Variants in SMYD4 observed in about 807,000 individuals in gnomAD.
The protein encoded by SMYD4 is SET and MYND domain containing 4, also known as protein-lysine N-methyltransferase SMYD4.
SMYD4 carries 68 observed loss-of-function variants against 72.8 expected under a neutral mutation model. The observed-to-expected ratio is 0.93, with a 90% CI of 0.77 to 1.14. The LOEUF is 1.14. SMYD4 is among the 50% of genes most tolerant of loss of function. The pLI is 0.00. For missense variants in SMYD4, 984 were observed against 1,003.7 expected (o/e 0.98, Z 0.27); for synonymous variants, 407 against 388.6 (o/e 1.05, Z -0.56).
Position 1,787,522 on chromosome 17 carries a change from G to A in SMYD4, c.1620C>T (p.His540=), listed in dbSNP as rs1004482387. 4 of 1,591,164 alleles carry A rather than the reference G, an allele frequency of 2.5e-6. No individual in the cohort carries two copies. The African/African-American group carries it at 5.4e-5, about 21-fold the overall frequency. The change falls in exon 6 of 11, where the codon CAC becomes CAT. Residue 540 remains histidine (H), a synonymous_variant. Transcript: ENST00000305513. The part of the protein sequence containing the change: ...GIFPVISLLN[H]SCSPNTSVSF... ...ACACGCTGGTGTTGGGGCTACAGGA[G>A]TGGTTCAGGAGGCTGATAACAGGGA...
At chr17:1,827,714 T>C (rs950751903) in intron 2 of SMYD4, 147 bp downstream of exon 2, 29 of 1,089,330 alleles carry the variant, frequency 2.7e-5, no homozygotes, top group Non-Finnish European at 3.3e-5. Context: ...GGTGGGAGGA[T>C]TGCTTGAGCC....
At chr17:1,783,679 G>A (rs1472759632) in intron 8 of SMYD4, 13 of 860,622 alleles carry the variant, frequency 1.5e-5, no homozygotes, top group Non-Finnish European at 2.1e-5. Flanking sequence ...AAAGGCGCTA[G>A]GGGAGGCCTC....
chr17:1,818,746 A>T (rs970149176), intron 2 of SMYD4, among the ~76,000 whole-genome samples: 1 of 151,612 alleles, frequency 6.6e-6, no homozygotes, highest in Non-Finnish European at 1.5e-5. Flanking sequence ...TGCAACCTCT[A>T]CCTCCTGCCT....
At chr17:1,791,585 T>C (rs531200709) in intron 5 of SMYD4, among the ~76,000 whole-genome samples, 2 of 152,204 alleles carry the variant, frequency 1.3e-5, no homozygotes, top group African/African-American at 4.8e-5. Flanking sequence ...GAAAATGAGA[T>C]GAAATTTAAC....
chr17:1,809,716 C>A (rs1449567715), intron 3 of SMYD4, among the ~76,000 whole-genome samples: 2 of 149,076 alleles, frequency 1.3e-5, no homozygotes, highest in African/African-American at 5.0e-5. Flanking sequence ...GTCGCCCAGG[C>A]TGGAGTGCAG....
At position 1,784,384 on chromosome 17, in the gene SMYD4, T is replaced by A. The variant is rs766779840; in HGVS notation, c.1962A>T (p.Leu654Phe). The A allele has an allele frequency of 6.2e-7, 1 of 1,614,268 alleles. No individual in the cohort carries two copies. Among genetic ancestry groups the A allele is most frequent in the Admixed American group, 1.7e-5 (1 of 60,032 alleles). ...CTCTGACCTGCTGCTGTAGGTCCTG[T>A]AACCGAGAGACCAGGTGGTCCCTGC... The part of the protein sequence containing the change: ...AVSRDHLVSR[L>F]QDLQQQVRVA... The change falls in exon 8 of 11, where the codon TTA becomes TTT. Residue 654 changes from leucine to phenylalanine, a missense_variant. Physicochemically the swap from Leu to Phe is conservative, Grantham distance 22. Coordinates refer to ENST00000305513, the MANE Select transcript of SMYD4 (RefSeq NM_052928.3).
chr17:1,782,595 G>C (rs1908422368), intron 10 of SMYD4: 1 of 154,866 alleles, frequency 6.5e-6, no homozygotes, highest in Non-Finnish European at 1.4e-5. Flanking sequence ...AGAAGGCAGA[G>C]AGCCTGGAGC....
intron 8 of SMYD4, chr17:1,783,755 G>T: frequency 2.0e-6 from 1 of 490,418 alleles, no homozygotes; most frequent in Non-Finnish European, 3.6e-6. Flanking sequence ...TTCACGTACG[G>T]CCATGATTTC....
chr17:1,790,718 T>C (rs1039155182), intron 5 of SMYD4, among the ~76,000 whole-genome samples: 1 of 151,998 alleles, frequency 6.6e-6, no homozygotes, highest in South Asian at 2.1e-4. Flanking sequence ...GGTTTCAGCA[T>C]GTTAGTCAGG....
intron 5 of SMYD4, among the ~76,000 whole-genome samples, chr17:1,789,698 G>GCA (rs1908909697): frequency 4.0e-5 from 6 of 148,316 alleles, no homozygotes; most frequent in East Asian, 2.0e-4. Context: ...CTGGGAGGTG[G>GCA]AGGTTGCAGT....
chr17:1,798,496 T>A (rs1014827636), intron 5 of SMYD4, among the ~76,000 whole-genome samples: 1 of 152,052 alleles, frequency 6.6e-6, no homozygotes, highest in Admixed American at 6.6e-5. Flanking sequence ...AGTGCAGTGG[T>A]TCACACCTGT....
At chr17:1,825,400 T>C (rs1211032918) in intron 2 of SMYD4, among the ~76,000 whole-genome samples, 1 of 151,922 alleles carries the variant, frequency 6.6e-6, no homozygotes, top group African/African-American at 2.4e-5. Context: ...GGTAAAAAAA[T>C]GTTAGCAGAA....
At chr17:1,790,551 C>T (rs1908963177) in intron 5 of SMYD4, among the ~76,000 whole-genome samples, 1 of 152,038 alleles carries the variant, frequency 6.6e-6, no homozygotes, top group Non-Finnish European at 1.5e-5. Context: ...TAGTCTCACT[C>T]TGTCGCCTAG....
rs751186115 is a variant in SMYD4, at chr17:1,800,805, T to C, written c.589A>G (p.Lys197Glu). 3.1e-6 allele frequency: 5 copies of C among 1,614,222 alleles called. No homozygotes were observed. In the South Asian group the frequency reaches 5.5e-5, roughly 18 times the overall value. ...LQRNLHRLKM[K>E]MQEKDSLTES... is the part of the protein sequence containing the mutation. ...GTGAGACTGTCCTTTTCTTGCATCT[T>C]CATTTTCAGACGATGGAGGTTTCTC... Residue 197 changes from lysine (K) to glutamate (E), a missense_variant, in exon 5 of 11, where the codon AAG becomes GAG. Transcript: ENST00000305513.
At chr17:1,812,886 T>C (rs1455146789) in intron 2 of SMYD4, among the ~76,000 whole-genome samples, 1 of 151,950 alleles carries the variant, frequency 6.6e-6, no homozygotes, top group African/African-American at 2.4e-5. Flanking sequence ...TAATTTTTTA[T>C]TCTTTATCTC....
At chr17:1,825,881 G>A (rs184395836) in intron 2 of SMYD4, among the ~76,000 whole-genome samples, 1 of 151,532 alleles carries the variant, frequency 6.6e-6, no homozygotes, top group East Asian at 1.9e-4. Context: ...CAGGAGGATC[G>A]CTTGAGCCCA....
At chr17:1,783,232 A>C in intron 9 of SMYD4, 74 bp from the exon 10 acceptor site, 1 of 1,612,552 alleles carries the variant, frequency 6.2e-7, no homozygotes, top group Non-Finnish European at 8.5e-7. Context: ...AGGGGGAGGA[A>C]ATGGAACGAG....
At chr17:1,792,545 G>C (rs990241960) in intron 5 of SMYD4, among the ~76,000 whole-genome samples, 1 of 152,226 alleles carries the variant, frequency 6.6e-6, no homozygotes, top group African/African-American at 2.4e-5. Context: ...GGTGCCTGAG[G>C]AGGGAGGATC....
At chr17:1,803,205 C>T (rs1909864331) in intron 4 of SMYD4, among the ~76,000 whole-genome samples, 1 of 152,284 alleles carries the variant, frequency 6.6e-6, no homozygotes. Flanking sequence ...TTCTCTGTTG[C>T]AACAATTAGG....
Sources: gnomAD v4.1 joint callset for allele counts (sites outside exome capture counted in the v4.1 genomes callset) on GRCh38, gnomAD v4.1.1 for gene constraint, MANE v1.5 for transcripts, NCBI Gene and HGNC (gene_info 2026-07-23, HGNC 2026-07-21) for gene names.